The following CCDC88A variants were observed in gnomAD, a reference collection of about 807,000 sequenced individuals.
CCDC88A encodes the protein girdin.
In CCDC88A, 54 loss-of-function variants were observed where a neutral mutation model predicts 234.3. The observed-to-expected ratio is 0.23, with a 90% CI of 0.19 to 0.29. The LOEUF (loss-of-function observed/expected upper bound fraction) is 0.29, where lower values mean the gene tolerates loss of function less well. CCDC88A is among the 10% of genes least tolerant of loss of function. The pLI is 1.00. For missense variants in CCDC88A, 1,832 were observed against 2,123.4 expected, an observed-to-expected ratio of 0.86 and a Z score of 2.70; for synonymous variants, 753 against 737.8, an observed-to-expected ratio of 1.02 and a Z score of -0.33.
intron 5 of CCDC88A, among the ~76,000 whole-genome samples, chr2:55,370,265 G>A (rs1672619624): frequency 6.6e-6 from 1 of 152,134 alleles, no homozygotes; most frequent in Non-Finnish European, 1.5e-5. Flanking sequence ...AACCTTGAAT[G>A]ATGTTAACAT....
At position 55,328,428 on chromosome 2, in the gene CCDC88A, T is replaced by C; in HGVS notation, c.2863A>G (p.Lys955Glu). The C allele has an allele frequency of 6.4e-7, 1 of 1,559,276 alleles. No homozygotes were observed. Among genetic ancestry groups the C allele is most frequent in the Non-Finnish European group, 8.7e-7 (1 of 1,150,030 alleles). ...DEQSTDDSRY[K>E]LLESKLESTL... ...GATTCTAATTTTGATTCCAAAAGTTTATACCTACTATCCAAGTACAAAGTA... is the reference window on the plus strand; with the variant it reads ...GATTCTAATTTTGATTCCAAAAGTTCATACCTACTATCCAAGTACAAAGTA... Residue 955 changes from lysine to glutamate, a missense_variant, in exon 17 of 33, where the codon AAA becomes GAA. By Grantham distance (56) the Lys-to-Glu change is moderately conservative. This residue lies in a region of CCDC88A where 1,282 missense variants were observed against 1,543.6 expected (regional missense o/e 0.83). Coordinates refer to ENST00000436346, the MANE Select transcript of CCDC88A (RefSeq NM_001365480.1). The surrounding 1 kb of genome is among the most constrained non-coding windows in gnomAD (Gnocchi z 4.3).
intron 3 of CCDC88A, among the ~76,000 whole-genome samples, chr2:55,386,405 G>A (rs1675640546): frequency 7.2e-6 from 1 of 138,596 alleles, no homozygotes; most frequent in Non-Finnish European, 1.6e-5. Context: ...TTCAAGACCA[G>A]CCTGGGCAAC....
chr2:55,382,920 A>C (rs1367247760), intron 3 of CCDC88A, among the ~76,000 whole-genome samples: 7 of 152,168 alleles, frequency 4.6e-5, no homozygotes, highest in Non-Finnish European at 1.0e-4. Context: ...TACTAGTACC[A>C]TAGTTCCATG....
chr2:55,397,891 TAA>T (rs534326036), intron 2 of CCDC88A, among the ~76,000 whole-genome samples: 2 of 152,146 alleles, frequency 1.3e-5, no homozygotes, highest in Non-Finnish European at 2.9e-5. Context: ...TGTTTTATAT[TAA>T]GTTTTTTTAG....
chr2:55,316,694 T>C (rs1297125011), intron 21 of CCDC88A, among the ~76,000 whole-genome samples: 1 of 152,174 alleles, frequency 6.6e-6, no homozygotes, highest in Non-Finnish European at 1.5e-5. Flanking sequence ...ATGATCATGC[T>C]ACTGAACTTC....
intron 29 of CCDC88A, among the ~76,000 whole-genome samples, chr2:55,297,490 A>G (rs1159273658): frequency 1.4e-5 from 2 of 142,764 alleles, no homozygotes; most frequent in Non-Finnish European, 3.0e-5. Flanking sequence ...AGCTCACTAC[A>G]ACCCCCGCCT....
At chr2:55,374,231 T>G (rs902048378) in intron 4 of CCDC88A, among the ~76,000 whole-genome samples, 1 of 152,006 alleles carries the variant, frequency 6.6e-6, no homozygotes. Flanking sequence ...GAAATTAGCA[T>G]GGTGACCACG....
At chr2:55,336,473 G>GT (rs1685475810) in intron 14 of CCDC88A, among the ~76,000 whole-genome samples, 2 of 151,698 alleles carry the variant, frequency 1.3e-5, no homozygotes, top group Non-Finnish European at 2.9e-5. Flanking sequence ...AAGCACAATG[G>GT]TAGTTTAAAA....
intron 2 of CCDC88A, among the ~76,000 whole-genome samples, chr2:55,393,926 G>A (rs925441943): frequency 2.6e-5 from 4 of 152,062 alleles, no homozygotes; most frequent in Non-Finnish European, 5.9e-5. Flanking sequence ...ATGTCTGAAT[G>A]GGTGCTGAAC....
At chr2:55,346,034 T>G (rs1409403254) in intron 10 of CCDC88A, 141 bp downstream of exon 10, 1 of 560,940 alleles carries the variant, frequency 1.8e-6, no homozygotes, top group East Asian at 3.0e-5. Context: ...TATGCTAATC[T>G]ATCATAAAAT....
intron 12 of CCDC88A, among the ~76,000 whole-genome samples, chr2:55,342,085 T>C (rs917575380): frequency 1.3e-5 from 2 of 152,168 alleles, no homozygotes; most frequent in Non-Finnish European, 2.9e-5. Flanking sequence ...ACTAGATGAT[T>C]ATTAAACACA....
intron 23 of CCDC88A, among the ~76,000 whole-genome samples, chr2:55,310,446 G>A (rs763716764): frequency 1.3e-5 from 2 of 152,112 alleles, no homozygotes; most frequent in Non-Finnish European, 2.9e-5. Context: ...GCAGCATGCC[G>A]CAGCATTTGC....
chr2:55,291,468 TAAAAA>T, intron 32 of CCDC88A: 1 of 339,812 alleles, frequency 2.9e-6, no homozygotes, highest in Non-Finnish European at 5.3e-6. Flanking sequence ...CAAAAAAACT[TAAAAA>T]AAAATACTTG....
At position 55,295,583 on chromosome 2, in the gene CCDC88A, T is replaced by A; in HGVS notation, c.5551+14A>T. ...CAAGTATATGAGAGGACCACTGGTG[T>A]AAATGGTACTCACTAGATGCTGCAG... On this transcript the variant is annotated intron_variant, in intron 31 of 32. Transcript: ENST00000436346. The A allele has an allele frequency of 6.2e-7, 1 of 1,614,064 alleles. No homozygotes were observed. Among genetic ancestry groups the A allele is most frequent in the Admixed American group, 1.7e-5 (1 of 60,020 alleles).
At chr2:55,376,637 A>G (rs1673689453) in intron 3 of CCDC88A, among the ~76,000 whole-genome samples, 1 of 152,244 alleles carries the variant, frequency 6.6e-6, no homozygotes, top group Non-Finnish European at 1.5e-5. Context: ...GCATTTAAAG[A>G]AAAGTACATA....
At chr2:55,297,367 T>TATATATTATATATAAATATATATA (rs1680277190) in intron 29 of CCDC88A, among the ~76,000 whole-genome samples, 1 of 107,816 alleles carries the variant, frequency 9.3e-6, no homozygotes, top group Non-Finnish European at 1.7e-5. Flanking sequence ...ATATATATAA[T>TATATATTATATATAAATATATATA]ATATATTATA....
At chr2:55,318,418 C>A (rs1383588842) in intron 19 of CCDC88A, among the ~76,000 whole-genome samples, 1 of 152,044 alleles carries the variant, frequency 6.6e-6, no homozygotes, top group Non-Finnish European at 1.5e-5. Flanking sequence ...TTAAAAGACA[C>A]TGGCGGTGTT....
At chr2:55,294,416 TAAC>T in intron 31 of CCDC88A, 7 of 893,044 alleles carry the variant, frequency 7.8e-6, no homozygotes, top group Non-Finnish European at 9.4e-6. Flanking sequence ...TTATAAGTAT[TAAC>T]AATCTTTTAA....
At chr2:55,385,581 G>A (rs549130262) in intron 3 of CCDC88A, among the ~76,000 whole-genome samples, 2 of 152,186 alleles carry the variant, frequency 1.3e-5, no homozygotes, top group South Asian at 4.2e-4. Flanking sequence ...AGCCGGGCGC[G>A]GTGGCTCACG....
Sources: allele counts gnomAD v4.1 joint callset (sites outside exome capture counted in the v4.1 genomes callset), GRCh38; gene constraint gnomAD v4.1.1; regional missense constraint gnomAD v4.1.1; non-coding constraint Gnocchi (gnomAD v3.1); transcripts MANE v1.5; gene names NCBI Gene and HGNC (gene_info 2026-07-23, HGNC 2026-07-21).